XKR4: variants seen among roughly 807,000 people sequenced by gnomAD.
XKR4 encodes XK related 4.
In XKR4, 12 loss-of-function variants were observed where a neutral mutation model predicts 53.9. The ratio of observed to expected loss-of-function variants is 0.22; its 90% CI spans 0.14 to 0.36. The LOEUF (loss-of-function observed/expected upper bound fraction) is 0.36. Ranked by LOEUF, XKR4 falls within the 10% of genes least tolerant of loss-of-function variation. XKR4 has a pLI of 1.00. For synonymous variants in XKR4, 354 were observed against 362.4 expected, an observed-to-expected ratio of 0.98 and a Z score of 0.26; for missense variants, 799 against 859.5, an observed-to-expected ratio of 0.93 and a Z score of 0.88.
At chr8:55,449,664 G>C in intron 2 of XKR4, 2 of 903,970 alleles carry the variant, frequency 2.2e-6, no homozygotes, top group East Asian at 4.8e-5. Context: ...GCCATGCCAG[G>C]TGCCACAGCC....
At chr8:55,516,566 A>G (rs1322041044) in intron 2 of XKR4, among the ~76,000 whole-genome samples, 3 of 152,250 alleles carry the variant, frequency 2.0e-5, no homozygotes, top group Non-Finnish European at 2.9e-5. Context: ...GGGAAATGAT[A>G]TGAGAAAAGC....
chr8:55,176,006 T>A (rs753368812), intron 1 of XKR4, among the ~76,000 whole-genome samples: 31 of 152,226 alleles, frequency 2.0e-4, no homozygotes, highest in Non-Finnish European at 4.1e-4. Context: ...AATATGACAC[T>A]TTTTTCTCTA....
intron 1 of XKR4, among the ~76,000 whole-genome samples, chr8:55,146,493 T>G (rs567356404): frequency 7.6e-4 from 116 of 152,370 alleles, no homozygotes; most frequent in Non-Finnish European, 1.4e-3. Context: ...AACTGATCTG[T>G]GTCTGTGCTG....
At chr8:55,476,246 C>A (rs1805982037) in intron 2 of XKR4, among the ~76,000 whole-genome samples, 3 of 151,984 alleles carry the variant, frequency 2.0e-5, no homozygotes, top group Admixed American at 2.0e-4. Flanking sequence ...AAGACCCAGT[C>A]ATGTGTGACA....
chr8:55,210,830 C>A lies in XKR4; in HGVS notation c.806+107536C>A, dbSNP rs186717418. Among the ~76,000 whole-genome samples, 1,136 of 152,302 alleles carry A rather than the reference C, an allele frequency of 7.5e-3. 18 individuals carry two copies. Among genetic ancestry groups the A allele is most frequent in the Non-Finnish European group, 8.3e-3 (567 of 68,016 alleles). On this transcript the variant is annotated intron_variant, in intron 1 of 2. Transcript: ENST00000327381. ...GCTTTTATAAGAAATTGACAGGGGG[C>A]AGGGTGTCTCATTTGCATAAGGTGT...
chr8:55,257,700 A>G (rs965194035), intron 1 of XKR4, among the ~76,000 whole-genome samples: 1 of 152,216 alleles, frequency 6.6e-6, no homozygotes, highest in Non-Finnish European at 1.5e-5. Flanking sequence ...GAGTATGTTT[A>G]GTTATGTGAC....
In XKR4 at chr8:55,523,546, T is replaced by C; in HGVS notation, c.1272T>C (p.Cys424=). The C allele has an allele frequency of 6.2e-7, 1 of 1,614,208 alleles. No individual in the cohort carries two copies. The highest frequency in any genetic ancestry group is 1.3e-5 in the African/African-American group (1 of 75,044). Residue 424 remains cysteine, a synonymous_variant, in exon 3 of 3, where the codon TGT becomes TGC. Transcript: ENST00000327381. ...TCGTCCACTGTGAGACAGAATTCTGTATCACCAAATGGGAAGAGATTGTGT... is the reference window on the plus strand; with the variant it reads ...TCGTCCACTGTGAGACAGAATTCTGCATCACCAAATGGGAAGAGATTGTGT... ...FWIVHCETEF[C]ITKWEEIVFD...
intron 2 of XKR4, among the ~76,000 whole-genome samples, chr8:55,429,553 A>G (rs1285790545): frequency 6.6e-6 from 1 of 152,072 alleles, no homozygotes; most frequent in Non-Finnish European, 1.5e-5. Context: ...TATGAAAAAA[A>G]AAATGTTTTA....
intron 1 of XKR4, among the ~76,000 whole-genome samples, chr8:55,194,718 C>T (rs1333985185): frequency 1.3e-5 from 2 of 152,112 alleles, no homozygotes; most frequent in African/African-American, 4.8e-5. Flanking sequence ...AAGAGATGCA[C>T]CCATTTGGAG....
chr8:55,156,554 A>G (rs1275203803), intron 1 of XKR4, among the ~76,000 whole-genome samples: 2 of 152,184 alleles, frequency 1.3e-5, no homozygotes, highest in Non-Finnish European at 2.9e-5. Context: ...ATAGAAACAT[A>G]AAGAGTTTGG....
chr8:55,363,153 A>G (rs779397285), intron 2 of XKR4, among the ~76,000 whole-genome samples: 4 of 152,158 alleles, frequency 2.6e-5, no homozygotes, highest in Admixed American at 6.5e-5. Flanking sequence ...TTGCTACCTT[A>G]TCACTAATGG....
intron 1 of XKR4, among the ~76,000 whole-genome samples, chr8:55,281,009 C>T (rs1585984281): frequency 6.6e-6 from 1 of 152,078 alleles, no homozygotes; most frequent in Non-Finnish European, 1.5e-5. Context: ...CAACGAACTA[C>T]TTGTTCTACC....
chr8:55,519,759 A>G (rs767681305), intron 2 of XKR4, among the ~76,000 whole-genome samples: 1 of 152,172 alleles, frequency 6.6e-6, no homozygotes, highest in African/African-American at 2.4e-5. Context: ...TTATGTGGTT[A>G]TGTAAGAGAA....
intron 1 of XKR4, among the ~76,000 whole-genome samples, chr8:55,210,884 C>A (rs764237675): frequency 6.6e-6 from 1 of 152,184 alleles, no homozygotes; most frequent in Non-Finnish European, 1.5e-5. Context: ...CCCTTTCCTC[C>A]TAGTGCACAC....
Position 55,136,564 on chromosome 8 carries a change from G to A in XKR4, c.806+33270G>A, listed in dbSNP as rs569210399. On this transcript the variant is annotated intron_variant, in intron 1 of 2. Transcript: ENST00000327381. ...AATAGTCTAAATGCCTTTAATGACTGTGTTATCAGAAAGCTTGGCCAGCAG... is the reference window on the plus strand; with the variant it reads ...AATAGTCTAAATGCCTTTAATGACTATGTTATCAGAAAGCTTGGCCAGCAG... Among the ~76,000 whole-genome samples the A allele has an allele frequency of 1.1e-3, 169 of 152,302 alleles. 1 individual carries two copies. Among genetic ancestry groups the A allele is most frequent in the African/African-American group, 3.9e-3 (162 of 41,570 alleles).
chr8:55,422,905 T>C (rs1804956095), intron 2 of XKR4, among the ~76,000 whole-genome samples: 1 of 152,164 alleles, frequency 6.6e-6, no homozygotes, highest in South Asian at 2.1e-4. Flanking sequence ...GGTGATGGAT[T>C]GCCTGTCTCT....
intron 2 of XKR4, among the ~76,000 whole-genome samples, chr8:55,484,517 T>G (rs1806163557): frequency 6.6e-6 from 1 of 152,188 alleles, no homozygotes; most frequent in South Asian, 2.1e-4. Flanking sequence ...TGATTCAATA[T>G]TTGAAAATCA....
chr8:55,368,454 G>A (rs935814028), intron 2 of XKR4, among the ~76,000 whole-genome samples: 5 of 152,074 alleles, frequency 3.3e-5, no homozygotes, highest in African/African-American at 1.2e-4. Context: ...GACAGGCCCT[G>A]GCTGCTGCCC....
At chr8:55,206,289 G>A (rs1457193033) in intron 1 of XKR4, among the ~76,000 whole-genome samples, 6 of 152,162 alleles carry the variant, frequency 3.9e-5, no homozygotes, top group African/African-American at 1.4e-4. Context: ...ATTTTACAGA[G>A]TGCTGATTGG....
Sources: gnomAD v4.1 joint callset for allele counts (sites outside exome capture counted in the v4.1 genomes callset) on GRCh38, gnomAD v4.1.1 for gene constraint, MANE v1.5 for transcripts, NCBI Gene and HGNC (gene_info 2026-07-23, HGNC 2026-07-21) for gene names.